Variants in SMAD2 observed in about 807,000 individuals in gnomAD.
SMAD2 encodes MAD homolog 2.
Under a neutral mutation model 64.4 loss-of-function variants are expected in SMAD2, and 8 were observed. That is an observed-to-expected ratio of 0.12 (90% CI 0.07 to 0.22). SMAD2 has a LOEUF of 0.22. Ranked by LOEUF, SMAD2 falls within the 10% of genes least tolerant of loss-of-function variation. The pLI is 1.00. For missense variants in SMAD2, 289 were observed against 561.2 expected (o/e 0.51, Z 4.90); for synonymous variants, 203 against 195.8 (o/e 1.04, Z -0.31).
At chr18:47,858,476 T>G (rs551443347) in intron 6 of SMAD2, among the ~76,000 whole-genome samples, 2 of 152,170 alleles carry the variant, frequency 1.3e-5, no homozygotes, top group African/African-American at 4.8e-5. Flanking sequence ...GGAGCCAAAC[T>G]GGTAAATATG....
At chr18:47,887,020 C>T (rs2032950185) in intron 2 of SMAD2, 2 of 152,120 alleles carry the variant, frequency 1.3e-5, no homozygotes, top group South Asian at 4.1e-4. Context: ...TTCTTCCTGT[C>T]CCCAGCAACC....
rs551642544 is a variant in SMAD2, at chr18:47,827,745, G to A, written c.*14082C>T. ...GATCTGCCCGCCTGGGCCTCCCGAG[G>A]TGCTGGGATTGCAGATGGAGTCTCG... On this transcript the variant is annotated 3_prime_UTR_variant, in exon 11 of 11. Transcript: ENST00000262160. The A allele has an allele frequency of 9.7e-5, 17 of 174,380 alleles. No homozygotes were observed. The highest frequency in any genetic ancestry group is 1.9e-4 in the Non-Finnish European group (16 of 84,582). The allele number at this position is 174,380 out of a possible 1,614,324, so 10.8% of individuals were successfully genotyped here. A position where few individuals can be genotyped will look rare whatever the true frequency, so the allele number is the denominator to read the frequency against.
chr18:47,869,336 G>T lies in SMAD2; in HGVS notation c.427C>A (p.Leu143Ile). Residue 143 changes from leucine (L) to isoleucine (I), a missense_variant, in exon 4 of 11, where the codon CTC becomes ATC. Leu to Ile is a conservative substitution (Grantham distance 5). Around this residue, in one of 6 missense-constraint regions of SMAD2, gnomAD observed 119 missense variants for 156.7 expected, o/e 0.76. Coordinates refer to ENST00000262160, the MANE Select transcript of SMAD2 (RefSeq NM_005901.6). ...RWPDLHSHHE[L>I]KAIENCEYAF... The stretch of plus-strand genomic sequence containing the variant: ...TATTCGCAGTTTTCAATTGCCTTGA[G>T]TTCATGATGACTGTGAAGATCAGGC... 1.2e-6 allele frequency: 2 copies of T among 1,613,538 alleles called. No homozygotes were observed. Among genetic ancestry groups the T allele is most frequent in the Non-Finnish European group, 1.7e-6 (2 of 1,179,626 alleles).
rs552065976 is a variant in SMAD2 at position 47,817,091 on chromosome 18, T to C, written c.*24736A>G. 6.6e-6 allele frequency: 1 copy of C among 152,284 alleles called. No homozygotes were observed. Among genetic ancestry groups the C allele is most frequent in the East Asian group, 1.9e-4 (1 of 5,156 alleles). 9.4% of individuals were successfully genotyped at this position (152,284 alleles called of 1,614,324 possible). ...CATGCGTATTTCTACAGCAATGCTGTATTCCCAAATAGAGTTTTCTTTTAG... is the reference window on the plus strand; with the variant it reads ...CATGCGTATTTCTACAGCAATGCTGCATTCCCAAATAGAGTTTTCTTTTAG... On this transcript the variant is annotated 3_prime_UTR_variant, in exon 11 of 11. Coordinates refer to ENST00000262160, the MANE Select transcript of SMAD2 (RefSeq NM_005901.6).
chr18:47,890,505 A>G (rs546765080), intron 2 of SMAD2, among the ~76,000 whole-genome samples: 1 of 152,318 alleles, frequency 6.6e-6, no homozygotes, highest in African/African-American at 2.4e-5. Context: ...TTTCCAATAA[A>G]TCATATTCCT....
At chr18:47,901,504 A>T (rs1769045704) in intron 1 of SMAD2, among the ~76,000 whole-genome samples, 1 of 151,980 alleles carries the variant, frequency 6.6e-6, no homozygotes, top group South Asian at 2.1e-4. Context: ...TGCTTGTTTT[A>T]TATTTTCTTT....
intron 6 of SMAD2, among the ~76,000 whole-genome samples, chr18:47,859,808 T>A (rs2031022197): frequency 6.6e-6 from 1 of 152,160 alleles, no homozygotes; most frequent in South Asian, 2.1e-4. Flanking sequence ...GACTACTGAT[T>A]AATCCATTAC....
chr18:47,922,868 G>A (rs1406465995), intron 1 of SMAD2, among the ~76,000 whole-genome samples: 1 of 152,158 alleles, frequency 6.6e-6, no homozygotes, highest in African/African-American at 2.4e-5. Flanking sequence ...ACTGCCAACT[G>A]GAAACCTAGG....
chr18:47,853,014 T>C (rs1000542333), intron 6 of SMAD2, among the ~76,000 whole-genome samples: 22 of 152,316 alleles, frequency 1.4e-4, no homozygotes, highest in Middle Eastern at 3.4e-3. Context: ...GCTTCAAATG[T>C]ATACCAAGAG....
At chr18:47,918,836 G>C (rs2034437984) in intron 1 of SMAD2, among the ~76,000 whole-genome samples, 1 of 152,056 alleles carries the variant, frequency 6.6e-6, no homozygotes, top group South Asian at 2.1e-4. Flanking sequence ...GGAAACAGTA[G>C]AGAAAATGAA....
At position 47,812,086 on chromosome 18, in the gene SMAD2, G is replaced by T. The variant is rs2031647956; in HGVS notation, c.*29741C>A. ...TCCACATGGCTGGTGATATAGTTTG[G>T]CTGTGTCCCCACCCAAATCTCATCT... On this transcript the variant is annotated 3_prime_UTR_variant, in exon 11 of 11. Transcript: ENST00000262160. The T allele has an allele frequency of 6.6e-6, 1 of 152,088 alleles. No individual in the cohort carries two copies. The highest frequency in any genetic ancestry group is 2.1e-4 in the South Asian group (1 of 4,820). The allele number at this position is 152,088 out of a possible 1,614,324, so 9.4% of individuals were successfully genotyped here.
At chr18:47,919,644 CT>C (rs1389704698) in intron 1 of SMAD2, among the ~76,000 whole-genome samples, 1 of 152,044 alleles carries the variant, frequency 6.6e-6, no homozygotes, top group Non-Finnish European at 1.5e-5. Context: ...TCGGAGCAAG[CT>C]AAAAAAGACG....
At chr18:47,885,198 C>A (rs371307379) in intron 2 of SMAD2, among the ~76,000 whole-genome samples, 2 of 151,486 alleles carry the variant, frequency 1.3e-5, no homozygotes, top group Non-Finnish European at 2.9e-5. Context: ...CCCTCCCCCC[C>A]CAAGACAGTC....
At position 47,833,814 on chromosome 18, in the gene SMAD2, A is replaced by G. The variant is rs1192963672; in HGVS notation, c.*8013T>C. 8.7e-6 allele frequency: 2 copies of G among 230,940 alleles called. No homozygotes were observed. The highest frequency in any genetic ancestry group is 1.7e-5 in the Non-Finnish European group (2 of 116,554). The allele number at this position is 230,940 out of a possible 1,614,324, so 14.3% of individuals were successfully genotyped here. On this transcript the variant is annotated 3_prime_UTR_variant, in exon 11 of 11. Transcript: ENST00000262160. ...GAAATGCAGTAGACGCCAGAGCATC[A>G]AAGGCCATGTATTTCCTCACAAGAA... is the stretch of plus-strand genomic sequence containing the variant.
intron 1 of SMAD2, among the ~76,000 whole-genome samples, chr18:47,903,887 G>A (rs2033795631): frequency 1.5e-5 from 2 of 129,444 alleles, no homozygotes; most frequent in African/African-American, 5.5e-5. Context: ...GGGGGGGGGG[G>A]GGACTCAGAA....
intron 3 of SMAD2, among the ~76,000 whole-genome samples, chr18:47,870,217 T>C (rs1263567493): frequency 2.6e-5 from 4 of 152,116 alleles, no homozygotes; most frequent in Non-Finnish European, 5.9e-5. Flanking sequence ...AATAAATATA[T>C]AGTTATCAAA....
intron 1 of SMAD2, among the ~76,000 whole-genome samples, chr18:47,919,424 A>G (rs1323173598): frequency 6.7e-6 from 1 of 149,792 alleles, no homozygotes; most frequent in African/African-American, 2.5e-5. Context: ...ACCCTACTAC[A>G]CTCCAACTAG....
chr18:47,849,549 G>A (rs1418853949), intron 7 of SMAD2, among the ~76,000 whole-genome samples: 12 of 151,494 alleles, frequency 7.9e-5, no homozygotes, highest in South Asian at 6.3e-4. Context: ...TTCTAGGACC[G>A]GCTCCCCCTA....
At chr18:47,929,330 G>C (rs2034902912) in intron 1 of SMAD2, among the ~76,000 whole-genome samples, 1 of 152,202 alleles carries the variant, frequency 6.6e-6, no homozygotes, top group Non-Finnish European at 1.5e-5. Flanking sequence ...CATCCTATCA[G>C]CGATTCATTC....
Sources: gnomAD v4.1 joint callset for allele counts (sites outside exome capture counted in the v4.1 genomes callset) on GRCh38, gnomAD v4.1.1 for gene constraint, gnomAD v4.1.1 regional missense constraint, MANE v1.5 for transcripts, NCBI Gene and HGNC (gene_info 2026-07-23, HGNC 2026-07-21) for gene names.